Variants in ARHGAP23 observed in about 807,000 individuals in gnomAD.
ARHGAP23 encodes rho GTPase-activating protein 23.
ARHGAP23 carries 34 observed loss-of-function variants against 136.3 expected under a neutral mutation model. That is an observed-to-expected ratio of 0.25 (90% CI 0.19 to 0.33). The LOEUF (loss-of-function observed/expected upper bound fraction) is 0.33, where lower values mean the gene tolerates loss of function less well. Among genes scored for constraint, ARHGAP23 ranks in the 10% least tolerant of loss-of-function variants. ARHGAP23 has a pLI of 1.00. For missense variants in ARHGAP23, 1,808 were observed against 2,139.0 expected (o/e 0.85, Z 3.05); for synonymous variants, 832 against 920.5 (o/e 0.90, Z 1.74).
intron 1 of ARHGAP23, among the ~76,000 whole-genome samples, chr17:38,443,718 G>T (rs897558460): frequency 6.6e-6 from 1 of 151,860 alleles, no homozygotes; most frequent in Admixed American, 6.6e-5. Context: ...CAGGGGTGGG[G>T]CTGACAGCCT....
At position 38,510,023 on chromosome 17, in the gene ARHGAP23, G is replaced by C. The variant is rs1215117362; in HGVS notation, c.3527G>C (p.Arg1176Pro). ...ISFISAVNRK[R>P]KKRREARGLG... ...TTCATCTCGGCCGTCAACCGCAAGC[G>C]CAAGAAGCGGCGGGAGGCGCGGGGG... The change falls in exon 24 of 24, where the codon CGC (arginine) becomes CCC (proline). Residue 1176 changes from arginine (R) to proline (P), a missense_variant. Coordinates refer to ENST00000622683, the MANE Select transcript of ARHGAP23 (RefSeq NM_001199417.2). The surrounding 1 kb of genome is among the most constrained non-coding windows in gnomAD (Gnocchi z 4.6). 6 of 1,247,008 alleles carry C rather than the reference G, an allele frequency of 4.8e-6. No individual in the cohort carries two copies. The East Asian group carries it at 9.4e-5, about 20-fold the overall frequency. The allele number at this position is 1,247,008 out of a possible 1,614,324, so 77.2% of individuals were successfully genotyped here. A position where few individuals can be genotyped will look rare whatever the true frequency, so the allele number is the denominator to read the frequency against.
intron 1 of ARHGAP23, among the ~76,000 whole-genome samples, chr17:38,445,723 G>A (rs1203029831): frequency 6.6e-6 from 1 of 150,982 alleles, no homozygotes; most frequent in African/African-American, 2.4e-5. Flanking sequence ...CAGCCTTGAC[G>A]CCCTGGGCTC....
At chr17:38,422,660 C>T (rs8067381) in intron 1 of ARHGAP23, among the ~76,000 whole-genome samples, 40,455 of 152,060 alleles carry the variant, frequency 0.27, 6,490 homozygotes, top group African/African-American at 0.45. Flanking sequence ...TCGCTCCCGC[C>T]GTAGCCAGCT....
At chr17:38,456,590 G>A (rs72823850) in intron 1 of ARHGAP23, among the ~76,000 whole-genome samples, 8,112 of 152,220 alleles carry the variant, frequency 0.053, 280 homozygotes, top group Middle Eastern at 0.16. Context: ...CAACATAGAG[G>A]TTAGGCCACA....
At chr17:38,504,740 C>T (rs113360329) in intron 23 of ARHGAP23, among the ~76,000 whole-genome samples, 10,039 of 152,188 alleles carry the variant, frequency 0.066, 367 homozygotes, top group South Asian at 0.17. Context: ...TGCTCCCAAG[C>T]TCATCAGAAA....
rs1225614347 is a variant in ARHGAP23, at chr17:38,511,887, GTCTC to G, written c.*919_*922del. 2.6e-5 allele frequency: 4 copies of G among 152,246 alleles called. No individual in the cohort carries two copies. Among genetic ancestry groups the G allele is most frequent in the African/African-American group, 7.2e-5 (3 of 41,400 alleles). The allele number at this position is 152,246 out of a possible 1,614,324, so 9.4% of individuals were successfully genotyped here. A position where few individuals can be genotyped will look rare whatever the true frequency, so the allele number is the denominator to read the frequency against. The stretch of plus-strand genomic sequence containing the variant: ...AGGAGGGATAGTCAACACCCCTGCT[GTCTC>G]TCTGTCACTCACACACTGATTTATG... On this transcript the variant is annotated 3_prime_UTR_variant, in exon 24 of 24. Transcript: ENST00000622683.
upstream of ARHGAP23, among the ~76,000 whole-genome samples, chr17:38,424,189 G>C (rs886253574): frequency 3.9e-5 from 6 of 151,934 alleles, no homozygotes; most frequent in Admixed American, 2.6e-4. Context: ...TCCTCCTCTG[G>C]AGCCCCACCC....
upstream of ARHGAP23, among the ~76,000 whole-genome samples, chr17:38,427,364 C>T (rs1290943500): frequency 6.6e-6 from 1 of 151,786 alleles, no homozygotes; most frequent in Non-Finnish European, 1.5e-5. Flanking sequence ...CCTGGGGAGG[C>T]TGAGGTGGGA....
chr17:38,425,971 G>A (rs565653114), upstream of ARHGAP23, among the ~76,000 whole-genome samples: 232 of 152,060 alleles, frequency 1.5e-3, 1 homozygote, highest in African/African-American at 5.0e-3. Flanking sequence ...CTGCCGGTCA[G>A]TGTGAGCTCA....
intron 20 of ARHGAP23, 89 bp downstream of exon 20, chr17:38,491,621 G>T (rs561968463): frequency 7.9e-6 from 12 of 1,520,984 alleles, no homozygotes; most frequent in Admixed American, 4.1e-5. Context: ...GCCTGGCGGA[G>T]TGTGCCCCAG....
intron 21 of ARHGAP23, 106 bp from the exon 22 acceptor site, chr17:38,498,307 CG>C (rs2040437707): frequency 2.4e-6 from 2 of 826,192 alleles, no homozygotes; most frequent in Admixed American, 6.0e-5. Context: ...CCAGTGAGCC[CG>C]GTCTGATGGA....
At chr17:38,426,571 A>AAAAAAAAAAAAAC (rs1458643674), upstream of ARHGAP23, among the ~76,000 whole-genome samples, 1 of 150,726 alleles carries the variant, frequency 6.6e-6, no homozygotes, top group African/African-American at 2.4e-5. Context: ...AAAAAAAAAA[A>AAAAAAAAAAAAAC]ATCCAGGCAG....
intron 23 of ARHGAP23, among the ~76,000 whole-genome samples, chr17:38,506,076 T>C (rs1344848048): frequency 6.6e-6 from 1 of 152,228 alleles, no homozygotes. Context: ...GTATTCCGGC[T>C]GGTAATTAGC....
At chr17:38,451,425 C>T (rs2039164043) in intron 1 of ARHGAP23, 3 of 152,348 alleles carry the variant, frequency 2.0e-5, no homozygotes, top group African/African-American at 4.8e-5. Flanking sequence ...TGCGTCTCCA[C>T]CTCTCTCCTC....
At chr17:38,480,431 A>G (rs922620064) in intron 14 of ARHGAP23, among the ~76,000 whole-genome samples, 9 of 152,174 alleles carry the variant, frequency 5.9e-5, no homozygotes, top group African/African-American at 2.2e-4. Context: ...CAGGAGATCG[A>G]GACCATCCTG....
At chr17:38,508,421 G>A (rs1038780770) in intron 23 of ARHGAP23, among the ~76,000 whole-genome samples, 9 of 152,184 alleles carry the variant, frequency 5.9e-5, no homozygotes, top group Non-Finnish European at 1.3e-4. Context: ...GGGCAGAGCA[G>A]GGCAGTAGGC....
chr17:38,490,088 C>T lies in ARHGAP23; in HGVS notation c.2987-14C>T. On this transcript the variant is annotated splice_polypyrimidine_tract_variant and intron_variant, in intron 17 of 23. Coordinates refer to ENST00000622683, the MANE Select transcript of ARHGAP23 (RefSeq NM_001199417.2). ...CTGCCCCCACCTCTCTAAAGAGTCT[C>T]CGCTGTGTTCTAGACAAATACAACG... 1 of 1,551,434 alleles carries T rather than the reference C, an allele frequency of 6.4e-7. No individual in the cohort carries two copies. Among genetic ancestry groups the T allele is most frequent in the East Asian group, 2.4e-5 (1 of 40,926 alleles).
chr17:38,510,043 CG>C lies in ARHGAP23; in HGVS notation c.3552del (p.Leu1185TrpfsTer98). On this transcript the variant is annotated frameshift_variant, in exon 24 of 24. Transcript: ENST00000622683. LOFTEE classifies it high-confidence loss of function. This position sits in a 1 kb window ranked among gnomAD's most constrained non-coding sequence, Gnocchi z 4.6. ...CAAGCGCAAGAAGCGGCGGGAGGCG[CG>C]GGGGCTGGGCAGCAGCACCGACGAC... Reference protein sequence around the residue: ...NRKRKKRREARGLGSSTDDDS... With the variant: ...NRKRKKRREAXGLGSSTDDDS... 8.0e-7 allele frequency: 1 copy of C among 1,243,766 alleles called. No individual in the cohort carries two copies. The highest frequency in any genetic ancestry group is 1.0e-6 in the Non-Finnish European group (1 of 994,588). The allele number at this position is 1,243,766 out of a possible 1,614,324, so 77.0% of individuals were successfully genotyped here. A position where few individuals can be genotyped will look rare whatever the true frequency, so the allele number is the denominator to read the frequency against.
Position 38,469,882 on chromosome 17 carries a change from T to C in ARHGAP23, c.1952T>C (p.Leu651Pro). 2 of 1,551,690 alleles carry C rather than the reference T, an allele frequency of 1.3e-6. No homozygotes were observed. Among genetic ancestry groups the C allele is most frequent in the Non-Finnish European group, 1.7e-6 (2 of 1,146,984 alleles). The part of the protein sequence containing the change: ...LPNRIPSLRM[L>P]RSFFTDGSLD... The stretch of plus-strand genomic sequence containing the variant: ...AACCGCATACCCAGCCTGCGGATGC[T>C]CCGGAGCTTCTTCACCGACGGGGTG... Residue 651 changes from leucine (L) to proline (P), a missense_variant, in exon 10 of 24, where the codon CTC becomes CCC. Leu to Pro is a moderately conservative substitution (Grantham distance 98). Around this residue, in one of 7 missense-constraint regions of ARHGAP23, gnomAD observed 859 missense variants for 936.4 expected, o/e 0.92. Coordinates refer to ENST00000622683, the MANE Select transcript of ARHGAP23 (RefSeq NM_001199417.2).
Sources: allele counts gnomAD v4.1 joint callset (sites outside exome capture counted in the v4.1 genomes callset), GRCh38; gene constraint gnomAD v4.1.1; regional missense constraint gnomAD v4.1.1; non-coding constraint Gnocchi (gnomAD v3.1); transcripts MANE v1.5; gene names NCBI Gene and HGNC (gene_info 2026-07-23, HGNC 2026-07-21).